The following ARID2 variants were observed in gnomAD, a reference collection of about 807,000 sequenced individuals.
ARID2 encodes AT-rich interactive domain-containing protein 2.
Under a neutral mutation model 184.6 loss-of-function variants are expected in ARID2, and 32 were observed. The observed-to-expected ratio is 0.17, with a 90% CI of 0.13 to 0.23. The LOEUF is 0.23. ARID2 is among the 10% of genes least tolerant of loss of function. The pLI is 1.00. For synonymous variants in ARID2, 836 were observed against 772.6 expected, an observed-to-expected ratio of 1.08 and a Z score of -1.36; for missense variants, 1,696 against 2,197.6, an observed-to-expected ratio of 0.77 and a Z score of 4.56.
Position 45,851,108 on chromosome 12 carries a change from A to C in ARID2, c.2985A>C (p.Gln995His), listed in dbSNP as rs757157257. ...PTAMSSSSTP[Q>H]SQGPPPTVSQ... is the part of the protein sequence containing the mutation. ...CCATGTCGTCGTCCTCTACCCCTCA[A>C]TCACAGGGACCACCTCCTACTGTCA... The change falls in exon 15 of 21, where the codon CAA becomes CAC. Residue 995 changes from glutamine to histidine, a missense_variant. Transcript: ENST00000334344. 6.2e-7 allele frequency: 1 copy of C among 1,614,010 alleles called. No individual in the cohort carries two copies. The highest frequency in any genetic ancestry group is 1.1e-5 in the South Asian group (1 of 91,070).
chr12:45,861,000 C>T, intron 16 of ARID2, 51 bp downstream of exon 16: 1 of 1,377,358 alleles, frequency 7.3e-7, no homozygotes, highest in Non-Finnish European at 9.5e-7. Context: ...TTTTGGAATG[C>T]TTTTATATTT....
chr12:45,847,006 T>G (rs1943455851), intron 12 of ARID2, 69 bp downstream of exon 12: 4 of 1,378,208 alleles, frequency 2.9e-6, no homozygotes, highest in Middle Eastern at 1.8e-4. Context: ...AGGAAATGTA[T>G]TCTACAGACA....
chr12:45,830,058 AATTT>A lies in ARID2; in HGVS notation c.706-6530_706-6527del, dbSNP rs960033456. Among the ~76,000 whole-genome samples the A allele has an allele frequency of 1.5e-4, 23 of 149,234 alleles. 1 individual carries two copies. Among genetic ancestry groups the A allele is most frequent in the Admixed American group, 1.3e-3 (19 of 14,960 alleles). ...ATTTTTAAAAATCTTTTAATAAATTAATTTGAATTATATAAATATATAGAAACAA... is the reference window on the plus strand; with the variant it reads ...ATTTTTAAAAATCTTTTAATAAATTAGAATTATATAAATATATAGAAACAA... On this transcript the variant is annotated intron_variant, in intron 6 of 20. Coordinates refer to ENST00000334344, the MANE Select transcript of ARID2 (RefSeq NM_152641.4).
Position 45,811,501 on chromosome 12 carries a change from C to T in ARID2, c.368C>T (p.Pro123Leu), listed in dbSNP as rs2138082794. 1.9e-6 allele frequency: 3 copies of T among 1,613,914 alleles called. No individual in the cohort carries two copies. The East Asian group carries it at 6.7e-5, about 36-fold the overall frequency. ...CCAGGCAATCCAAAGCCACAGCTTCCTATTGGTGCAATTCCATCTTCCTAC... is the reference window on the plus strand; with the variant it reads ...CCAGGCAATCCAAAGCCACAGCTTCTTATTGGTGCAATTCCATCTTCCTAC... ...VPPGNPKPQL[P>L]IGAIPSSYNY... The change falls in exon 4 of 21, where the codon CCT (proline) becomes CTT (leucine). Residue 123 changes from proline (P) to leucine (L), a missense_variant. Pro to Leu is a moderately conservative substitution (Grantham distance 98). Transcript: ENST00000334344.
rs1486453608 is a variant in ARID2 at position 45,850,170 on chromosome 12, A to G, written c.2047A>G (p.Arg683Gly). The G allele has an allele frequency of 6.2e-7, 1 of 1,614,178 alleles. No homozygotes were observed. Among genetic ancestry groups the G allele is most frequent in the African/African-American group, 1.3e-5 (1 of 75,060 alleles). Residue 683 changes from arginine (R) to glycine (G), a missense_variant, in exon 15 of 21, where the codon AGA (arginine) becomes GGA (glycine). Arg to Gly is a moderately radical substitution (Grantham distance 125). This residue lies in a region of ARID2 where 713 missense variants were observed against 824.4 expected (regional missense o/e 0.86). Transcript: ENST00000334344. ...GVHTVAQTVS[R>G]IPQNPSPHTH... ...TCATACTGTGGCACAAACTGTTTCA[A>G]GAATTCCACAAAATCCTTCACCTCA... is the stretch of plus-strand genomic sequence containing the variant.
intron 3 of ARID2, among the ~76,000 whole-genome samples, chr12:45,750,642 A>G (rs1941446324): frequency 6.6e-6 from 1 of 152,316 alleles, no homozygotes; most frequent in African/African-American, 2.4e-5. Context: ...AGTAACTACT[A>G]TTTTTGAAAA....
intron 16 of ARID2, among the ~76,000 whole-genome samples, chr12:45,889,076 G>A (rs1426423018): frequency 6.6e-6 from 1 of 152,126 alleles, no homozygotes; most frequent in Non-Finnish European, 1.5e-5. Flanking sequence ...CAGCTACTCG[G>A]GAGGCTGAGG....
intron 20 of ARID2, among the ~76,000 whole-genome samples, chr12:45,900,907 T>C (rs1042718506): frequency 6.6e-6 from 1 of 151,982 alleles, no homozygotes; most frequent in African/African-American, 2.4e-5. Flanking sequence ...TGATCTGTTT[T>C]CCCCCCTCTA....
chr12:45,807,940 ACT>A (rs1296805689), intron 3 of ARID2, among the ~76,000 whole-genome samples: 1 of 151,748 alleles, frequency 6.6e-6, no homozygotes, highest in African/African-American at 2.4e-5. Flanking sequence ...TTTTGAATGA[ACT>A]CTTTTTCCCC....
chr12:45,846,419 G>A (rs919330928), intron 11 of ARID2, among the ~76,000 whole-genome samples: 9 of 152,056 alleles, frequency 5.9e-5, no homozygotes, highest in African/African-American at 1.9e-4. Context: ...GTAGCTAAAC[G>A]GAAAGATGCT....
At chr12:45,811,631 C>T (rs2138083473) in intron 4 of ARID2, 80 bp downstream of exon 4, 1 of 1,467,918 alleles carries the variant, frequency 6.8e-7, no homozygotes, top group East Asian at 2.4e-5. Context: ...TGAGTTAGTC[C>T]CTTCCTTTGC....
intron 4 of ARID2, 111 bp downstream of exon 4, chr12:45,811,662 T>C: frequency 1.8e-6 from 2 of 1,104,958 alleles, no homozygotes; most frequent in Non-Finnish European, 2.4e-6. Flanking sequence ...ACTTAAGGCC[T>C]TAAGGTAATG....
intron 20 of ARID2, among the ~76,000 whole-genome samples, chr12:45,901,417 T>G (rs1364467607): frequency 8.6e-5 from 13 of 151,600 alleles, no homozygotes; most frequent in Admixed American, 6.6e-4. Context: ...TGATCCGCCC[T>G]CCTCAGCCTC....
At chr12:45,902,218 C>A (rs1944469116) in intron 20 of ARID2, among the ~76,000 whole-genome samples, 1 of 151,926 alleles carries the variant, frequency 6.6e-6, no homozygotes, top group Non-Finnish European at 1.5e-5. Flanking sequence ...TATAAAAAAA[C>A]AAATTAGGCA....
chr12:45,890,949 G>A (rs1254290184), intron 16 of ARID2, among the ~76,000 whole-genome samples: 4 of 152,052 alleles, frequency 2.6e-5, no homozygotes, highest in Non-Finnish European at 4.4e-5. Flanking sequence ...GGCAGATCAT[G>A]AGGTCAGGAA....
chr12:45,777,791 T>A (rs1028419998), intron 3 of ARID2, among the ~76,000 whole-genome samples: 3 of 147,950 alleles, frequency 2.0e-5, no homozygotes, highest in Non-Finnish European at 3.0e-5. Flanking sequence ...TTATATTTTT[T>A]ATATAAATAT....
rs564962023 is a variant in ARID2 at position 45,812,071 on chromosome 12, C to T, written c.418+520C>T. ...AAATCAAGTTGGAAAAAAATCAGCG[C>T]GAGTGTTGATACTCTCTTGAGTGGA... On this transcript the variant is annotated intron_variant, in intron 4 of 20. Transcript: ENST00000334344. 1.4e-4 allele frequency among the ~76,000 whole-genome samples: 21 copies of T among 151,536 alleles called. No individual in the cohort carries two copies. The South Asian group carries it at 3.8e-3, about 27-fold the overall frequency.
intron 3 of ARID2, among the ~76,000 whole-genome samples, chr12:45,735,476 T>G (rs1284418646): frequency 2.0e-5 from 3 of 150,560 alleles, no homozygotes; most frequent in African/African-American, 4.9e-5. Context: ...GGGGTCTTGC[T>G]TTGTTGCCCA....
intron 3 of ARID2, among the ~76,000 whole-genome samples, 191 bp downstream of exon 3, chr12:45,731,505 G>A (rs535587795): frequency 2.6e-5 from 4 of 152,124 alleles, no homozygotes; most frequent in African/African-American, 9.7e-5. Flanking sequence ...CCAATTTCAG[G>A]ATCGTTTACA....
Sources: allele counts gnomAD v4.1 joint callset (sites outside exome capture counted in the v4.1 genomes callset), GRCh38; gene constraint gnomAD v4.1.1; regional missense constraint gnomAD v4.1.1; transcripts MANE v1.5; gene names NCBI Gene and HGNC (gene_info 2026-07-23, HGNC 2026-07-21).